SDK1: variants seen among roughly 807,000 people sequenced by gnomAD.
SDK1 encodes sidekick cell adhesion molecule 1.
SDK1 carries 157 observed loss-of-function variants against 245.5 expected under a neutral mutation model. The observed-to-expected ratio is 0.64, with a 90% CI of 0.56 to 0.73. The LOEUF (loss-of-function observed/expected upper bound fraction) is 0.73. Ranked by LOEUF, SDK1 falls within the 30% of genes least tolerant of loss-of-function variation. The pLI is 0.00. For synonymous variants in SDK1, 1,647 were observed against 1,278.5 expected (o/e 1.29, Z -6.15); for missense variants, 3,583 against 3,002.3 (o/e 1.19, Z -4.52).
chr7:3,569,926 C>T (rs1382346495), intron 1 of SDK1, among the ~76,000 whole-genome samples: 1 of 152,172 alleles, frequency 6.6e-6, no homozygotes, highest in African/African-American at 2.4e-5. Context: ...CCACCATCTC[C>T]TTTTCCTCTG....
rs116125301 is a variant in SDK1, at chr7:3,770,682, G to A, written c.714-50768G>A. Among the ~76,000 whole-genome samples, 441 of 152,196 alleles carry A rather than the reference G, an allele frequency of 2.9e-3. 3 individuals carry two copies. Among genetic ancestry groups the A allele is most frequent in the African/African-American group, 0.01 (417 of 41,522 alleles). The stretch of plus-strand genomic sequence containing the variant: ...TGTGTTGGTGAGAAAGGAGTCTCAT[G>A]TCTAGTGGGGAAGGAACATCCTTCT... On this transcript the variant is annotated intron_variant, in intron 4 of 44. Coordinates refer to ENST00000404826, the MANE Select transcript of SDK1 (RefSeq NM_152744.4).
At chr7:3,855,508 A>G (rs1437699470) in intron 5 of SDK1, among the ~76,000 whole-genome samples, 1 of 152,068 alleles carries the variant, frequency 6.6e-6, no homozygotes, top group African/African-American at 2.4e-5. Context: ...ACTTGAGAAC[A>G]AGCTTAGAAA....
At chr7:4,067,680 A>T (rs989952492) in intron 19 of SDK1, among the ~76,000 whole-genome samples, 158 bp from the exon 20 acceptor site, 3 of 152,166 alleles carry the variant, frequency 2.0e-5, no homozygotes, top group Non-Finnish European at 4.4e-5. Flanking sequence ...GGATGCCTTG[A>T]ACACCCTCCT....
chr7:3,734,068 T>A (rs1779254540), intron 4 of SDK1, among the ~76,000 whole-genome samples: 1 of 152,222 alleles, frequency 6.6e-6, no homozygotes, highest in Admixed American at 6.5e-5. Context: ...ACAGCTCCTT[T>A]CCTTGCCCAG....
At chr7:3,640,870 G>C (rs1279661650) in intron 3 of SDK1, among the ~76,000 whole-genome samples, 7 of 152,032 alleles carry the variant, frequency 4.6e-5, no homozygotes, top group Non-Finnish European at 1.5e-5. Flanking sequence ...TTTTGGTAGA[G>C]ATCGGGCTTC....
At chr7:3,382,500 A>C (rs1190456901) in intron 1 of SDK1, among the ~76,000 whole-genome samples, 1 of 152,150 alleles carries the variant, frequency 6.6e-6, no homozygotes, top group African/African-American at 2.4e-5. Flanking sequence ...TCCTCACCTC[A>C]ATCATTGCCA....
At chr7:3,678,905 A>G (rs1226447288) in intron 4 of SDK1, among the ~76,000 whole-genome samples, 1 of 152,222 alleles carries the variant, frequency 6.6e-6, no homozygotes, top group Non-Finnish European at 1.5e-5. Flanking sequence ...CCTAAACCTC[A>G]CATTTTATAT....
At chr7:3,836,222 G>T (rs1469089250) in intron 5 of SDK1, among the ~76,000 whole-genome samples, 1 of 152,230 alleles carries the variant, frequency 6.6e-6, no homozygotes, top group Non-Finnish European at 1.5e-5. Flanking sequence ...GTTAAAATGA[G>T]TTGCTTTACA....
chr7:3,892,178 C>T (rs1285886436), intron 5 of SDK1, among the ~76,000 whole-genome samples: 1 of 152,228 alleles, frequency 6.6e-6, no homozygotes, highest in African/African-American at 2.4e-5. Context: ...TTTGTAATGG[C>T]AGCCCTACTT....
At chr7:4,129,872 C>G in intron 26 of SDK1, 36 bp from the exon 27 acceptor site, 2 of 1,610,200 alleles carry the variant, frequency 1.2e-6, no homozygotes, top group Non-Finnish European at 1.7e-6. Context: ...CTGGCACCCG[C>G]CTCCTGATAA....
chr7:3,473,864 C>G (rs953568368), intron 1 of SDK1, among the ~76,000 whole-genome samples: 1 of 151,808 alleles, frequency 6.6e-6, no homozygotes, highest in African/African-American at 2.4e-5. Context: ...TTTTTTTCCT[C>G]TCCAAATTCG....
chr7:3,940,550 A>C (rs1025344205), intron 5 of SDK1, among the ~76,000 whole-genome samples: 6 of 152,204 alleles, frequency 3.9e-5, no homozygotes, highest in African/African-American at 1.4e-4. Context: ...TCCTCTTTAA[A>C]GGTCAGTGCT....
At chr7:3,610,669 T>G (rs779097802) in intron 1 of SDK1, among the ~76,000 whole-genome samples, 3 of 152,262 alleles carry the variant, frequency 2.0e-5, no homozygotes, top group Non-Finnish European at 4.4e-5. Context: ...ACTGGAAGCT[T>G]GAATGGTTTC....
At chr7:3,436,477 A>T (rs1780023922) in intron 1 of SDK1, among the ~76,000 whole-genome samples, 1 of 152,130 alleles carries the variant, frequency 6.6e-6, no homozygotes, top group African/African-American at 2.4e-5. Flanking sequence ...ATGATGATTT[A>T]ATGTTTGCAA....
Position 3,967,467 on chromosome 7 carries a change from C to T in SDK1, c.1546+33C>T, listed in dbSNP as rs369017796. On this transcript the variant is annotated intron_variant, in intron 10 of 44. Transcript: ENST00000404826. The stretch of plus-strand genomic sequence containing the variant: ...GCATCCACTGCCCACAACAGCATGG[C>T]CCATGTAGAACATAACCTATCGGGC... The T allele has an allele frequency of 2.1e-5, 28 of 1,332,252 alleles. No homozygotes were observed. In the African/African-American group the frequency reaches 3.7e-4, roughly 18 times the overall value. The allele number at this position is 1,332,252 out of a possible 1,614,324, so 82.5% of individuals were successfully genotyped here.
chr7:3,385,670 G>A (rs985567395), intron 1 of SDK1, among the ~76,000 whole-genome samples: 5 of 151,966 alleles, frequency 3.3e-5, no homozygotes, highest in African/African-American at 4.8e-5. Flanking sequence ...TACAGCCCCC[G>A]TATGTATCTC....
intron 30 of SDK1, among the ~76,000 whole-genome samples, chr7:4,157,331 G>A (rs990041491): frequency 4.7e-5 from 7 of 149,302 alleles, no homozygotes; most frequent in Non-Finnish European, 7.4e-5. Flanking sequence ...GGAGGTGGAA[G>A]GGAGAGAAGG....
chr7:3,598,256 T>C (rs1480547534), intron 1 of SDK1, among the ~76,000 whole-genome samples: 2 of 152,248 alleles, frequency 1.3e-5, no homozygotes, highest in African/African-American at 4.8e-5. Context: ...ATTTGTCTTT[T>C]CTATCATTGA....
In SDK1 at chr7:4,237,650, A is replaced by T; in HGVS notation, c.5996A>T (p.Gln1999Leu). The change falls in exon 42 of 45, where the codon CAA (glutamine) becomes CTA (leucine). Residue 1999 changes from glutamine (Q) to leucine (L), a missense_variant. Coordinates refer to ENST00000404826, the MANE Select transcript of SDK1 (RefSeq NM_152744.4). The part of the protein sequence containing the change: ...PSNPSTAVSA[Q>L]VEAPFYEEWW... Reference sequence around the variant, plus strand: ...TGTGTCCGTGTCTTTTCCACAGCTCAAGTGGAAGCCCCATTCTACGAGGAG... The same window carrying T: ...TGTGTCCGTGTCTTTTCCACAGCTCTAGTGGAAGCCCCATTCTACGAGGAG... 1 of 1,613,916 alleles carries T rather than the reference A, an allele frequency of 6.2e-7. No homozygotes were observed. The highest frequency in any genetic ancestry group is 1.1e-5 in the South Asian group (1 of 91,070).
Sources: gnomAD v4.1 joint callset for allele counts (sites outside exome capture counted in the v4.1 genomes callset) on GRCh38, gnomAD v4.1.1 for gene constraint, MANE v1.5 for transcripts, NCBI Gene and HGNC (gene_info 2026-07-23, HGNC 2026-07-21) for gene names.